PPP3CA: variants seen among roughly 807,000 people sequenced by gnomAD.
PPP3CA encodes the protein protein phosphatase 3 catalytic subunit alpha.
A neutral mutation model predicts 66.5 loss-of-function variants in PPP3CA; 14 were observed. The observed-to-expected ratio is 0.21, with a 90% CI of 0.14 to 0.33. The LOEUF (loss-of-function observed/expected upper bound fraction) is 0.33, where lower values mean the gene tolerates loss of function less well. Ranked by LOEUF, PPP3CA falls within the 10% of genes least tolerant of loss-of-function variation. PPP3CA has a pLI of 1.00. For missense variants in PPP3CA, 317 were observed against 639.5 expected, an observed-to-expected ratio of 0.50 and a Z score of 5.44; for synonymous variants, 232 against 226.2, an observed-to-expected ratio of 1.03 and a Z score of -0.23.
At chr4:101,171,980 G>A (rs1723898026) in intron 2 of PPP3CA, among the ~76,000 whole-genome samples, 1 of 152,148 alleles carries the variant, frequency 6.6e-6, no homozygotes, top group Admixed American at 6.6e-5. Context: ...ATGAATGATA[G>A]TCTGTAGACT....
chr4:101,272,235 T>C (rs1727358723), intron 1 of PPP3CA, among the ~76,000 whole-genome samples: 1 of 152,184 alleles, frequency 6.6e-6, no homozygotes, highest in Admixed American at 6.5e-5. Context: ...ACTTGGCCTG[T>C]TACATTCATT....
In PPP3CA at chr4:101,337,875, A is replaced by G. The variant is rs75142464; in HGVS notation, c.58+8864T>C. On this transcript the variant is annotated intron_variant, in intron 1 of 13. Coordinates refer to ENST00000394854, the MANE Select transcript of PPP3CA (RefSeq NM_000944.5). ...CTGAGCTTTTCTAAAAACACTCACCATGCAGACATGCCATCAGGAGAGGTG... is the reference window on the plus strand; with the variant it reads ...CTGAGCTTTTCTAAAAACACTCACCGTGCAGACATGCCATCAGGAGAGGTG... 7.5e-3 allele frequency among the ~76,000 whole-genome samples: 1,141 copies of G among 152,276 alleles called. 12 individuals are homozygous for G. Among genetic ancestry groups the G allele is most frequent in the African/African-American group, 0.026 (1,091 of 41,554 alleles).
intron 10 of PPP3CA, among the ~76,000 whole-genome samples, chr4:101,050,789 C>T (rs1194952060): frequency 5.9e-5 from 9 of 152,118 alleles, no homozygotes; most frequent in Admixed American, 1.3e-4. Flanking sequence ...CCTGCTAATG[C>T]ACGTAAAACA....
At chr4:101,062,498 A>G (rs1054543821) in intron 9 of PPP3CA, among the ~76,000 whole-genome samples, 13 of 151,994 alleles carry the variant, frequency 8.6e-5, no homozygotes, top group African/African-American at 2.9e-4. Flanking sequence ...CTTCTCATGG[A>G]AAGTATGAGA....
intron 1 of PPP3CA, among the ~76,000 whole-genome samples, chr4:101,213,005 A>G (rs1725345421): frequency 6.6e-6 from 1 of 152,104 alleles, no homozygotes; most frequent in Non-Finnish European, 1.5e-5. Flanking sequence ...TTTTTCCTAT[A>G]AAACTCAGTC....
At chr4:101,344,226 A>T (rs1729907610) in intron 1 of PPP3CA, among the ~76,000 whole-genome samples, 1 of 152,224 alleles carries the variant, frequency 6.6e-6, no homozygotes, top group Admixed American at 6.5e-5. Context: ...TTTCACATCC[A>T]GCATACGCGT....
intron 1 of PPP3CA, among the ~76,000 whole-genome samples, chr4:101,343,329 T>C (rs1020196564): frequency 2.0e-5 from 3 of 152,056 alleles, no homozygotes; most frequent in South Asian, 2.1e-4. Flanking sequence ...CCATGACCAA[T>C]AGGGAATGCT....
At chr4:101,266,639 T>C (rs1185128661) in intron 1 of PPP3CA, among the ~76,000 whole-genome samples, 2 of 152,236 alleles carry the variant, frequency 1.3e-5, no homozygotes, top group East Asian at 1.9e-4. Context: ...TTTCTTTACA[T>C]TGACAGACTC....
intron 1 of PPP3CA, among the ~76,000 whole-genome samples, chr4:101,280,833 A>AG (rs2110277670): frequency 6.6e-6 from 1 of 151,950 alleles, no homozygotes; most frequent in African/African-American, 2.4e-5. Flanking sequence ...AAAAAAAAAA[A>AG]AAACTGGAAA....
At chr4:101,324,154 G>GAAGGAAGGGAGGAAGGAAGGA (rs1729131283) in intron 1 of PPP3CA, among the ~76,000 whole-genome samples, 1 of 66,414 alleles carries the variant, frequency 1.5e-5, no homozygotes, top group African/African-American at 5.0e-5. Context: ...GGAAGGGAGG[G>GAAGGAAGGGAGGAAGGAAGGA]AGGAAGGAAG....
intron 1 of PPP3CA, among the ~76,000 whole-genome samples, chr4:101,215,900 T>TAGAAAC (rs1225371004): frequency 6.6e-6 from 1 of 152,118 alleles, no homozygotes; most frequent in Non-Finnish European, 1.5e-5. Context: ...GTGATCAGTT[T>TAGAAAC]AAAATTAAAG....
chr4:101,073,127 G>T lies in PPP3CA; in HGVS notation c.955+7405C>A, dbSNP rs973475715. The stretch of plus-strand genomic sequence containing the variant: ...CAGTGAATTTTAATCATTCATCTCA[G>T]AGGGTGATTTTTCTAAAAGCCAATC... On this transcript the variant is annotated intron_variant, in intron 8 of 13. Coordinates refer to ENST00000394854, the MANE Select transcript of PPP3CA (RefSeq NM_000944.5). Among the ~76,000 whole-genome samples the T allele has an allele frequency of 1.3e-4, 19 of 151,950 alleles. No individual in the cohort carries two copies. In the South Asian group the frequency reaches 3.7e-3, roughly 30 times the overall value.
At chr4:101,225,799 A>G (rs1294919756) in intron 1 of PPP3CA, among the ~76,000 whole-genome samples, 1 of 151,820 alleles carries the variant, frequency 6.6e-6, no homozygotes, top group Non-Finnish European at 1.5e-5. Flanking sequence ...CATCTGGGAT[A>G]CAGGTAGATT....
intron 1 of PPP3CA, among the ~76,000 whole-genome samples, chr4:101,293,786 C>T (rs561165795): frequency 3.3e-5 from 5 of 152,342 alleles, no homozygotes; most frequent in African/African-American, 1.2e-4. Flanking sequence ...CATGTGATTG[C>T]TAGGCCACTT....
intron 1 of PPP3CA, among the ~76,000 whole-genome samples, chr4:101,297,403 T>C (rs1248021253): frequency 1.3e-5 from 2 of 152,224 alleles, no homozygotes; most frequent in African/African-American, 2.4e-5. Context: ...GATTACTATA[T>C]AGACATCATG....
At chr4:101,204,870 T>A (rs995456690) in intron 1 of PPP3CA, among the ~76,000 whole-genome samples, 1 of 151,368 alleles carries the variant, frequency 6.6e-6, no homozygotes, top group Non-Finnish European at 1.5e-5. Context: ...AATTGAAGAA[T>A]TGTTGTTTTA....
chr4:101,106,463 A>G (rs71614679), intron 3 of PPP3CA, among the ~76,000 whole-genome samples: 4,537 of 33,506 alleles, frequency 0.14, 1,307 homozygotes, highest in African/African-American at 0.53. Flanking sequence ...GAGAAAAGAA[A>G]AGAAAAGAAA....
At chr4:101,076,391 A>C (rs922505017) in intron 8 of PPP3CA, among the ~76,000 whole-genome samples, 1 of 152,298 alleles carries the variant, frequency 6.6e-6, no homozygotes, top group South Asian at 2.1e-4. Flanking sequence ...TACAATGTGT[A>C]CCAAAAAGCC....
At chr4:101,111,736 G>A (rs1444296986) in intron 2 of PPP3CA, among the ~76,000 whole-genome samples, 1 of 152,142 alleles carries the variant, frequency 6.6e-6, no homozygotes, top group African/African-American at 2.4e-5. Flanking sequence ...TCTATAAAAT[G>A]GGGGTGATAC....
Sources: allele counts gnomAD v4.1 joint callset (sites outside exome capture counted in the v4.1 genomes callset), GRCh38; gene constraint gnomAD v4.1.1; transcripts MANE v1.5; gene names NCBI Gene and HGNC (gene_info 2026-07-23, HGNC 2026-07-21).